Variants in SLC5A6 observed in about 807,000 individuals in gnomAD.
SLC5A6 encodes the protein sodium-dependent multivitamin transporter.
Under a neutral mutation model 67.9 loss-of-function variants are expected in SLC5A6, and 31 were observed. That is an observed-to-expected ratio of 0.46 (90% CI 0.34 to 0.62). SLC5A6 has a LOEUF of 0.62. Ranked by LOEUF, SLC5A6 falls within the 20% of genes least tolerant of loss-of-function variation. The pLI is 0.01. For missense variants in SLC5A6, 673 were observed against 812.8 expected (o/e 0.83, Z 2.09); for synonymous variants, 343 against 331.0 (o/e 1.04, Z -0.39).
At chr2:27,211,269 T>A (rs1674474374) in intron 2 of SLC5A6, among the ~76,000 whole-genome samples, 198 bp downstream of exon 2, 1 of 152,168 alleles carries the variant, frequency 6.6e-6, no homozygotes, top group African/African-American at 2.4e-5. Flanking sequence ...CGTAAACCTT[T>A]CAGGAACTTC....
At chr2:27,200,782 G>A (rs1011551374) in intron 16 of SLC5A6, among the ~76,000 whole-genome samples, 1 of 152,226 alleles carries the variant, frequency 6.6e-6, no homozygotes, top group Non-Finnish European at 1.5e-5. Flanking sequence ...CCAGGCTGGG[G>A]CTGAGCTCCT....
At chr2:27,204,987 C>T in intron 7 of SLC5A6, 56 bp from the exon 8 acceptor site, 1 of 1,598,516 alleles carries the variant, frequency 6.3e-7, no homozygotes, top group Non-Finnish European at 8.5e-7. Flanking sequence ...AGCCTTCCTG[C>T]CCTCTTGGCA....
In SLC5A6 at chr2:27,207,302, A is replaced by T; in HGVS notation, c.349T>A (p.Phe117Ile). 1 of 1,614,040 alleles carries T rather than the reference A, an allele frequency of 6.2e-7. No individual in the cohort carries two copies. The highest frequency in any genetic ancestry group is 1.1e-5 in the South Asian group (1 of 91,080). ...TGCAGGCGGTAGAAAACGGGGATGAAGATGTGTGCAGGTATCAGCAGCCCC... is the reference window on the plus strand; with the variant it reads ...TGCAGGCGGTAGAAAACGGGGATGATGATGTGTGCAGGTATCAGCAGCCCC... The part of the protein sequence containing the change: ...FLGLLIPAHI[F>I]IPVFYRLHLT... Residue 117 changes from phenylalanine to isoleucine, a missense_variant, in exon 3 of 17, where the codon TTC (phenylalanine) becomes ATC (isoleucine). Physicochemically the swap from Phe to Ile is conservative, Grantham distance 21. Coordinates refer to ENST00000310574, the MANE Select transcript of SLC5A6 (RefSeq NM_021095.4). This position sits in a 1 kb window ranked among gnomAD's most constrained non-coding sequence, Gnocchi z 5.5.
chr2:27,207,861 C>T lies in SLC5A6; in HGVS notation c.-140-71G>A, dbSNP rs551461437. ...CCATTCACCCTTGGGCCTTGTACAT[C>T]GCATGCCATCAGAAGTGGACCAGCC... On this transcript the variant is annotated intron_variant, in intron 2 of 16. Coordinates refer to ENST00000310574, the MANE Select transcript of SLC5A6 (RefSeq NM_021095.4). The surrounding 1 kb of genome is among the most constrained non-coding windows in gnomAD (Gnocchi z 5.5). The T allele has an allele frequency of 3.3e-5, 19 of 583,348 alleles. No homozygotes were observed. The Admixed American group carries it at 4.3e-4, about 13-fold the overall frequency. 36.1% of individuals were successfully genotyped at this position (583,348 alleles called of 1,614,324 possible).
At chr2:27,204,395 C>T in intron 9 of SLC5A6, 66 bp downstream of exon 9, 1 of 1,525,048 alleles carries the variant, frequency 6.6e-7, no homozygotes, top group Non-Finnish European at 8.8e-7. Context: ...TCAGTCCTTT[C>T]CTACCTAGAC....
At position 27,212,217 on chromosome 2, in the gene SLC5A6, C is replaced by CAGAG. The variant is rs1674591257; in HGVS notation, c.-409_-406dup. 6.4e-7 allele frequency: 1 copy of CAGAG among 1,558,680 alleles called. No individual in the cohort carries two copies. The highest frequency in any genetic ancestry group is 1.4e-5 in the African/African-American group (1 of 73,798). On this transcript the variant is annotated 5_prime_UTR_variant, in exon 1 of 17. Coordinates refer to ENST00000310574, the MANE Select transcript of SLC5A6 (RefSeq NM_021095.4). ...GGGCTAGGGCGCATGAAGACCAGCG[C>CAGAG]AGAGCTCCACGAGCAGGAAAAGCCC...
intron 2 of SLC5A6, among the ~76,000 whole-genome samples, chr2:27,209,426 A>C (rs1674303388): frequency 6.6e-6 from 1 of 152,232 alleles, no homozygotes; most frequent in South Asian, 2.1e-4. Flanking sequence ...TAACATTTTC[A>C]AAACAGCATG....
At chr2:27,206,208 A>T in intron 5 of SLC5A6, 115 bp from the exon 6 acceptor site, 2 of 914,462 alleles carry the variant, frequency 2.2e-6, no homozygotes, top group Non-Finnish European at 3.5e-6. Flanking sequence ...TAACAATGAA[A>T]TAAATCATTC....
upstream of SLC5A6, chr2:27,212,547 C>T (rs1214234901): frequency 2.0e-6 from 3 of 1,498,398 alleles, no homozygotes; most frequent in South Asian, 1.3e-5. Context: ...GCTCCCCCTT[C>T]TCCTCGGCGG....
Position 27,201,040 on chromosome 2 carries a change from C to A in SLC5A6, c.1722G>T (p.Pro574=). 1 of 1,613,774 alleles carries A rather than the reference C, an allele frequency of 6.2e-7. No individual in the cohort carries two copies. Among genetic ancestry groups the A allele is most frequent in the Non-Finnish European group, 8.5e-7 (1 of 1,179,854 alleles). Residue 574 remains proline, a synonymous_variant, in exon 16 of 17, where the codon CCG becomes CCT. Transcript: ENST00000310574. The part of the protein sequence containing the change: ...PVLPKLLSLL[P]LSCQKRLHCR... ...AGTGGAGCCGCTTCTGACAGGACAA[C>A]GGAAGGAGGGACAGGAGCTTTGGCA... is the stretch of plus-strand genomic sequence containing the variant.
intron 11 of SLC5A6, 38 bp from the exon 12 acceptor site, chr2:27,202,918 G>A: frequency 1.2e-6 from 2 of 1,608,942 alleles, no homozygotes; most frequent in East Asian, 2.2e-5. Context: ...AAGAAGGTGT[G>A]AGTTAACACA....
Position 27,203,345 on chromosome 2 carries a change from GC to G in SLC5A6, c.1095-1del. 1 of 1,613,992 alleles carries G rather than the reference GC, an allele frequency of 6.2e-7. No homozygotes were observed. The highest frequency in any genetic ancestry group is 1.7e-5 in the Admixed American group (1 of 60,002). On this transcript the variant is annotated splice_acceptor_variant, in intron 10 of 16. Coordinates refer to ENST00000310574, the MANE Select transcript of SLC5A6 (RefSeq NM_021095.4). LOFTEE classifies it high-confidence loss of function. ...ATGAATTAAAAGCAGAGGATATAGT[GC>G]TGAAAAAGAGGAAGAGGATGAGGAG...
chr2:27,205,561 A>T, intron 6 of SLC5A6, 57 bp from the exon 7 acceptor site: 1 of 1,586,946 alleles, frequency 6.3e-7, no homozygotes, highest in Non-Finnish European at 8.6e-7. Context: ...AGCTTGTCCA[A>T]CCTGCCTTAT....
chr2:27,202,524 A>AAAAAC (rs1673730844), intron 12 of SLC5A6, among the ~76,000 whole-genome samples: 1 of 150,520 alleles, frequency 6.6e-6, no homozygotes, highest in Non-Finnish European at 1.5e-5. Context: ...AAAAAAAAAA[A>AAAAAC]AGAACTCCAG....
chr2:27,210,242 G>A (rs917887432), intron 2 of SLC5A6, among the ~76,000 whole-genome samples: 1 of 152,194 alleles, frequency 6.6e-6, no homozygotes, highest in Non-Finnish European at 1.5e-5. Flanking sequence ...CCCCAGGGAA[G>A]ACAGGAAAAA....
At position 27,206,232 on chromosome 2, in the gene SLC5A6, A is replaced by G; in HGVS notation, c.512-139T>C. The G allele has an allele frequency of 1.0e-5, 8 of 799,504 alleles. No individual in the cohort carries two copies. The South Asian group carries it at 1.1e-4, about 11-fold the overall frequency. 49.5% of individuals were successfully genotyped at this position (799,504 alleles called of 1,614,324 possible). A position where few individuals can be genotyped will look rare whatever the true frequency, so the allele number is the denominator to read the frequency against. On this transcript the variant is annotated intron_variant, in intron 5 of 16. Transcript: ENST00000310574. Reference sequence around the variant, plus strand: ...AATAAATCATTCACCACAACGGAGAAAAATGTTTGCAGAGCTCCACCAAAA... The same window carrying G: ...AATAAATCATTCACCACAACGGAGAGAAATGTTTGCAGAGCTCCACCAAAA...
chr2:27,201,633 G>T, intron 14 of SLC5A6, 33 bp downstream of exon 14: 1 of 1,603,546 alleles, frequency 6.2e-7, no homozygotes, highest in South Asian at 1.1e-5. Flanking sequence ...GGAGGGCTTT[G>T]AGAAAACAAG....
chr2:27,205,151 G>T, intron 7 of SLC5A6, 199 bp downstream of exon 7: 1 of 704,500 alleles, frequency 1.4e-6, no homozygotes, highest in Non-Finnish European at 2.3e-6. Flanking sequence ...CTCATCCCAG[G>T]TAATGTCCTG....
chr2:27,203,474 A>G (rs746722651), intron 10 of SLC5A6, 129 bp from the exon 11 acceptor site: 7 of 772,096 alleles, frequency 9.1e-6, no homozygotes, highest in Non-Finnish European at 1.5e-5. Context: ...TCATAGTTGG[A>G]CTTGATGCCA....
Sources: allele counts gnomAD v4.1 joint callset (sites outside exome capture counted in the v4.1 genomes callset), GRCh38; gene constraint gnomAD v4.1.1; non-coding constraint Gnocchi (gnomAD v3.1); transcripts MANE v1.5; gene names NCBI Gene and HGNC (gene_info 2026-07-23, HGNC 2026-07-21).